The following MRC2 variants were observed in gnomAD, a reference collection of about 807,000 sequenced individuals.
MRC2 encodes C-type mannose receptor 2.
MRC2 carries 84 observed loss-of-function variants against 206.2 expected under a neutral mutation model. That is an observed-to-expected ratio of 0.41 (90% CI 0.34 to 0.49). The LOEUF (loss-of-function observed/expected upper bound fraction) is 0.49, where lower values mean the gene tolerates loss of function less well. Among genes scored for constraint, MRC2 ranks in the 20% least tolerant of loss-of-function variants. The probability of loss-of-function intolerance (pLI) is 0.31; values close to 1 mark genes in which losing one functional copy is unlikely to be tolerated. For missense variants in MRC2, 1,676 were observed against 2,001.5 expected (o/e 0.84, Z 3.10); for synonymous variants, 798 against 800.0 (o/e 1.00, Z 0.04).
chr17:62,637,853 AC>A, intron 1 of MRC2, among the ~76,000 whole-genome samples: 1 of 152,222 alleles, frequency 6.6e-6, no homozygotes, highest in Non-Finnish European at 1.5e-5. Flanking sequence ...CCAGCACAGT[AC>A]CTTGTCCACG....
At chr17:62,643,194 G>A (rs1013094597) in intron 1 of MRC2, among the ~76,000 whole-genome samples, 6 of 151,902 alleles carry the variant, frequency 3.9e-5, no homozygotes, top group African/African-American at 7.2e-5. Flanking sequence ...TGGGCATGGC[G>A]GCAGGTGCCT....
chr17:62,661,045 TTTG>T (rs773050772), intron 1 of MRC2, among the ~76,000 whole-genome samples: 33 of 152,142 alleles, frequency 2.2e-4, no homozygotes, highest in Non-Finnish European at 3.8e-4. Flanking sequence ...GTTACCCTTT[TTTG>T]TTGTTTGAAA....
At chr17:62,639,537 C>T (rs571788111) in intron 1 of MRC2, among the ~76,000 whole-genome samples, 1 of 152,288 alleles carries the variant, frequency 6.6e-6, no homozygotes, top group East Asian at 1.9e-4. Flanking sequence ...ATGTAAGAAA[C>T]TGGATATGTA....
chr17:62,691,034 C>T lies in MRC2; in HGVS notation c.4098C>T (p.His1366=), dbSNP rs1428041946. 2 of 1,610,000 alleles carry T rather than the reference C, an allele frequency of 1.2e-6. No homozygotes were observed. The highest frequency in any genetic ancestry group is 3.4e-5 in the Admixed American group (2 of 59,116). The change falls in exon 28 of 30, where the codon CAC becomes CAT. Residue 1366 remains histidine (H), a synonymous_variant. Coordinates refer to ENST00000303375, the MANE Select transcript of MRC2 (RefSeq NM_006039.5). Reference sequence around the variant, plus strand: ...GCTTGGGCCCCAGCATGCTGAGCCACAACAGCTGCTACTGGATTCAGAGCA... The same window carrying T: ...GCTTGGGCCCCAGCATGCTGAGCCATAACAGCTGCTACTGGATTCAGAGCA... The part of the protein sequence containing the change: ...PPGLGPSMLS[H]NSCYWIQSNS...
chr17:62,668,823 T>A (rs564681227), intron 6 of MRC2, among the ~76,000 whole-genome samples: 4 of 152,178 alleles, frequency 2.6e-5, no homozygotes, highest in Admixed American at 1.3e-4. Flanking sequence ...GGACAGGGTC[T>A]GCTTTAGGGA....
rs1298013014 is a variant in MRC2, at chr17:62,664,894, T to G, written c.465T>G (p.Ser155Arg). Reference sequence around the variant, plus strand: ...TTGAGCGTGGTGACCAGACCCGCAGTGGCCAGTGGCGCATCTACGGCAGCG... The same window carrying G: ...TTGAGCGTGGTGACCAGACCCGCAGGGGCCAGTGGCGCATCTACGGCAGCG... The part of the protein sequence containing the change: ...GTLERGDQTR[S>R]GQWRIYGSEE... Residue 155 changes from serine (S) to arginine (R), a missense_variant, in exon 2 of 30, where the codon AGT (serine) becomes AGG (arginine). Ser to Arg is a moderately radical substitution (Grantham distance 110). Transcript: ENST00000303375. This position sits in a 1 kb window ranked among gnomAD's most constrained non-coding sequence, Gnocchi z 4.7. 2.5e-6 allele frequency: 4 copies of G among 1,613,372 alleles called. No individual in the cohort carries two copies. The highest frequency in any genetic ancestry group is 3.4e-6 in the Non-Finnish European group (4 of 1,179,964).
At chr17:62,658,167 T>C (rs914574953) in intron 1 of MRC2, among the ~76,000 whole-genome samples, 1 of 152,206 alleles carries the variant, frequency 6.6e-6, no homozygotes, top group Non-Finnish European at 1.5e-5. Context: ...GCGGAGTCTC[T>C]CGGCCCTTGG....
chr17:62,654,583 T>C (rs1333022915), intron 1 of MRC2, among the ~76,000 whole-genome samples: 1 of 152,106 alleles, frequency 6.6e-6, no homozygotes, highest in African/African-American at 2.4e-5. Flanking sequence ...CCGGGGAAAC[T>C]GCAGCAACAG....
chr17:62,646,075 A>T (rs1001078633), intron 1 of MRC2, among the ~76,000 whole-genome samples: 2 of 130,660 alleles, frequency 1.5e-5, no homozygotes, highest in Non-Finnish European at 3.1e-5. Context: ...CCCAGGCTGG[A>T]GTGCAGTGGT....
In MRC2 at chr17:62,667,444, C is replaced by T. The variant is rs746903504; in HGVS notation, c.1028C>T (p.Ser343Leu). The T allele has an allele frequency of 3.7e-6, 6 of 1,612,346 alleles. No homozygotes were observed. Among genetic ancestry groups the T allele is most frequent in the South Asian group, 3.3e-5 (3 of 90,964 alleles). The part of the protein sequence containing the change: ...ENCGVIRTES[S>L]GGWQNRDCSI... ...TGTGGAGTGATCCGCACTGAGTCCT[C>T]GGGCGGCTGGCAGAACCGTGACTGC... The change falls in exon 6 of 30, where the codon TCG (serine) becomes TTG (leucine). Residue 343 changes from serine to leucine, a missense_variant. Ser to Leu is a moderately radical substitution (Grantham distance 145). Coordinates refer to ENST00000303375, the MANE Select transcript of MRC2 (RefSeq NM_006039.5). The surrounding 1 kb of genome is among the most constrained non-coding windows in gnomAD (Gnocchi z 4.1).
At position 62,667,508 on chromosome 17, in the gene MRC2, C is replaced by A; in HGVS notation, c.1092C>A (p.Asn364Lys). The change falls in exon 6 of 30, where the codon AAC (asparagine) becomes AAA (lysine). Residue 364 changes from asparagine (N) to lysine (K), a missense_variant. Physicochemically the swap from Asn to Lys is moderately conservative, Grantham distance 94. This residue lies in a region of MRC2 where 1,354 missense variants were observed against 1,636.6 expected (regional missense o/e 0.83). Transcript: ENST00000303375. This position sits in a 1 kb window ranked among gnomAD's most constrained non-coding sequence, Gnocchi z 4.1. ...ALPYVCKKKP[N>K]ATAEPTPPDR... Reference sequence around the variant, plus strand: ...CCTATGTGTGCAAGAAGAAGCCCAACGCCACGGCCGAGCCCACCCCTCCAG... The same window carrying A: ...CCTATGTGTGCAAGAAGAAGCCCAAAGCCACGGCCGAGCCCACCCCTCCAG... The A allele has an allele frequency of 2.5e-6, 4 of 1,611,186 alleles. No individual in the cohort carries two copies. The highest frequency in any genetic ancestry group is 3.4e-6 in the Non-Finnish European group (4 of 1,179,366).
chr17:62,676,641 C>A, intron 11 of MRC2, 110 bp downstream of exon 11: 1 of 1,374,592 alleles, frequency 7.3e-7, no homozygotes, highest in Non-Finnish European at 9.8e-7. Flanking sequence ...CATTGGTGCA[C>A]TGTGGTGTAG....
At chr17:62,681,165 G>T (rs1317144703) in intron 18 of MRC2, 36 bp downstream of exon 18, 1 of 1,606,308 alleles carries the variant, frequency 6.2e-7, no homozygotes, top group Non-Finnish European at 8.5e-7. Context: ...GTGGAAGGGG[G>T]CTGGCTGTCC....
chr17:62,674,498 G>A, intron 9 of MRC2, among the ~76,000 whole-genome samples: 1 of 152,168 alleles, frequency 6.6e-6, no homozygotes, highest in East Asian at 1.9e-4. Flanking sequence ...GTCCAGCCTA[G>A]TCATGTCAAG....
chr17:62,664,312 A>G lies in MRC2; in HGVS notation c.119-236A>G, dbSNP rs1312221878. Among the ~76,000 whole-genome samples, 1 of 151,736 alleles carries G rather than the reference A, an allele frequency of 6.6e-6. No individual in the cohort carries two copies. The highest frequency in any genetic ancestry group is 1.5e-5 in the Non-Finnish European group (1 of 67,854). ...GACTGAGTCCTCCCTCCTGGTGAGC[A>G]GGGGCTAGAACAGAGGTAGTCCTGC... On this transcript the variant is annotated intron_variant, in intron 1 of 29. Coordinates refer to ENST00000303375, the MANE Select transcript of MRC2 (RefSeq NM_006039.5). The surrounding 1 kb of genome is among the most constrained non-coding windows in gnomAD (Gnocchi z 4.7).
Position 62,689,954 on chromosome 17 carries a change from G to A in MRC2, c.3634G>A (p.Gly1212Arg), listed in dbSNP as rs534181763. 1.1e-5 allele frequency: 18 copies of A among 1,611,794 alleles called. No homozygotes were observed. The highest frequency in any genetic ancestry group is 3.3e-5 in the South Asian group (3 of 90,904). The change falls in exon 25 of 30, where the codon GGG becomes AGG. Residue 1212 changes from glycine (G) to arginine (R), a missense_variant. Coordinates refer to ENST00000303375, the MANE Select transcript of MRC2 (RefSeq NM_006039.5). Reference protein sequence around the residue: ...EPLNYVGWQDGEPQQPGGCTY... With the variant: ...EPLNYVGWQDREPQQPGGCTY... ...GCTGAACTACGTGGGCTGGCAGGAC[G>A]GGGAGCCGCAGCAGCCGGGGGGCTG...
intron 6 of MRC2, among the ~76,000 whole-genome samples, chr17:62,669,321 TC>T (rs2088797368): frequency 1.3e-5 from 2 of 151,964 alleles, no homozygotes; most frequent in South Asian, 4.2e-4. Context: ...CTCAAGAGAT[TC>T]TCGTGCCTCA....
intron 1 of MRC2, among the ~76,000 whole-genome samples, chr17:62,636,078 C>T (rs1365602262): frequency 2.0e-5 from 3 of 151,806 alleles, no homozygotes; most frequent in Non-Finnish European, 4.4e-5. Flanking sequence ...TGAGCCACCG[C>T]GCCCGGCCAA....
rs1207323428 is a variant in MRC2, at chr17:62,664,912, C to T, written c.483C>T (p.Tyr161=). The T allele has an allele frequency of 2.5e-6, 4 of 1,612,192 alleles. No individual in the cohort carries two copies. Among genetic ancestry groups the T allele is most frequent in the African/African-American group, 1.3e-5 (1 of 74,952 alleles). The change falls in exon 2 of 30, where the codon TAC becomes TAT. Residue 161 remains tyrosine (Y), a synonymous_variant. Transcript: ENST00000303375. This position sits in a 1 kb window ranked among gnomAD's most constrained non-coding sequence, Gnocchi z 4.7. ...CCCGCAGTGGCCAGTGGCGCATCTA[C>T]GGCAGCGAGGAGGACCTATGTGCTC... is the stretch of plus-strand genomic sequence containing the variant. The part of the protein sequence containing the change: ...DQTRSGQWRI[Y]GSEEDLCALP...
Sources: gnomAD v4.1 joint callset for allele counts (sites outside exome capture counted in the v4.1 genomes callset) on GRCh38, gnomAD v4.1.1 for gene constraint, gnomAD v4.1.1 regional missense constraint, Gnocchi (gnomAD v3.1) non-coding constraint, MANE v1.5 for transcripts, NCBI Gene and HGNC (gene_info 2026-07-23, HGNC 2026-07-21) for gene names.